ZNF879: variants seen among roughly 807,000 people sequenced by gnomAD.
ZNF879 encodes zinc finger protein 879.
In ZNF879, 32 loss-of-function variants were observed where a neutral mutation model predicts 44.3. The observed-to-expected ratio is 0.72, with a 90% CI of 0.54 to 0.97. ZNF879 has a LOEUF of 0.97. Ranked by LOEUF, ZNF879 falls within the 50% of genes least tolerant of loss-of-function variation. The pLI, the probability that ZNF879 is intolerant of heterozygous loss-of-function variation, is 0.00. For synonymous variants in ZNF879, 234 were observed against 233.2 expected (o/e 1.00, Z -0.03); for missense variants, 621 against 669.7 (o/e 0.93, Z 0.80).
Position 179,033,286 on chromosome 5 carries a change from T to C in ZNF879, c.1338T>C (p.His446=), listed in dbSNP as rs1336112027. The C allele has an allele frequency of 5.7e-6, 9 of 1,577,932 alleles. No individual in the cohort carries two copies. Among genetic ancestry groups the C allele is most frequent in the Non-Finnish European group, 7.7e-6 (9 of 1,161,976 alleles). Reference sequence around the variant, plus strand: ...CTTGGATTTCACGGCTTAATATACATCACAGAATTCACACTGGAGAGAAAC... The same window carrying C: ...CTTGGATTTCACGGCTTAATATACACCACAGAATTCACACTGGAGAGAAAC... The part of the protein sequence containing the change: ...AFSWISRLNI[H]HRIHTGEKPY... Residue 446 remains histidine (H), a synonymous_variant, in exon 5 of 5, where the codon CAT becomes CAC. Coordinates refer to ENST00000444149, the MANE Select transcript of ZNF879 (RefSeq NM_001136116.3).
At chr5:179,027,890 C>T in intron 3 of ZNF879, 142 bp from the exon 4 acceptor site, 3 of 770,422 alleles carry the variant, frequency 3.9e-6, no homozygotes, top group Non-Finnish European at 6.4e-6. Context: ...GGACCATCTC[C>T]TGGTTGTCCT....
At chr5:179,024,207 G>A (rs1761193783) in intron 1 of ZNF879, among the ~76,000 whole-genome samples, 1 of 152,228 alleles carries the variant, frequency 6.6e-6, no homozygotes, top group African/African-American at 2.4e-5. Flanking sequence ...CCCTCCGGGC[G>A]GTTTTTCGCT....
Position 179,033,029 on chromosome 5 carries a change from A to G in ZNF879, c.1081A>G (p.Arg361Gly). ...KAFTSISRLS[R>G]HHRIHTGEKP... is the part of the protein sequence containing the mutation. ...CTTCACTTCAATATCGCGGCTAAGT[A>G]GGCACCATCGAATTCATACTGGAGA... The change falls in exon 5 of 5, where the codon AGG becomes GGG. Residue 361 changes from arginine to glycine, a missense_variant. By Grantham distance (125) the Arg-to-Gly change is moderately radical (BLOSUM62 -2). Coordinates refer to ENST00000444149, the MANE Select transcript of ZNF879 (RefSeq NM_001136116.3). The G allele has an allele frequency of 3.2e-6, 5 of 1,557,806 alleles. No homozygotes were observed. Among genetic ancestry groups the G allele is most frequent in the Non-Finnish European group, 4.3e-6 (5 of 1,150,768 alleles).
chr5:179,031,817 C>T (rs61645289), intron 4 of ZNF879, among the ~76,000 whole-genome samples: 1,602 of 152,300 alleles, frequency 0.011, 24 homozygotes, highest in African/African-American at 0.036. Flanking sequence ...CTGTGTTTGG[C>T]GGAGCTCTTC....
In ZNF879 at chr5:179,032,613, AC is replaced by A; in HGVS notation, c.667del (p.Gln223ArgfsTer25). ...IFLHSSSLSKHQRIHTGEKLY... is the reference protein window; with the variant it reads ...IFLHSSSLSKXQRIHTGEKLY... ...CTCCACAGTTCCTCCCTGAGTAAAC[AC>A]CAGAGAATCCACACTGGAGAGAAGC... is the stretch of plus-strand genomic sequence containing the variant. On this transcript the variant is annotated frameshift_variant, in exon 5 of 5. Transcript: ENST00000444149. LOFTEE classifies it high-confidence loss of function. 1.3e-6 allele frequency: 2 copies of A among 1,564,894 alleles called. No homozygotes were observed. The highest frequency in any genetic ancestry group is 1.7e-6 in the Non-Finnish European group (2 of 1,154,768).
chr5:179,025,103 G>T, intron 2 of ZNF879, 66 bp downstream of exon 2: 1 of 1,524,930 alleles, frequency 6.6e-7, no homozygotes, highest in Non-Finnish European at 8.9e-7. Flanking sequence ...TTCTTCATCT[G>T]TTGTTGAGCT....
rs1314593780 is a variant in ZNF879 at position 179,033,410 on chromosome 5, G to A, written c.1462G>A (p.Asp488Asn). Reference sequence around the variant, plus strand: ...TGGAGAAAAACCTTATAAATGTAATGACTGTGAGAAAGCCTTCAACCAAAG... The same window carrying A: ...TGGAGAAAAACCTTATAAATGTAATAACTGTGAGAAAGCCTTCAACCAAAG... ...HTGEKPYKCN[D>N]CEKAFNQSSA... is the part of the protein sequence containing the mutation. Residue 488 changes from aspartate to asparagine, a missense_variant, in exon 5 of 5, where the codon GAC (aspartate) becomes AAC (asparagine). Asp to Asn is a conservative substitution (Grantham distance 23, BLOSUM62 1). Coordinates refer to ENST00000444149, the MANE Select transcript of ZNF879 (RefSeq NM_001136116.3). The A allele has an allele frequency of 1.3e-6, 2 of 1,558,962 alleles. No homozygotes were observed. The highest frequency in any genetic ancestry group is 1.4e-5 in the African/African-American group (1 of 73,100).
chr5:179,031,939 C>T (rs1179734109), intron 4 of ZNF879, among the ~76,000 whole-genome samples: 1 of 152,138 alleles, frequency 6.6e-6, no homozygotes, highest in East Asian at 1.9e-4. Context: ...TTCAGAAGGG[C>T]CTCATAGCCT....
Position 179,032,856 on chromosome 5 carries a change from TTAA to T in ZNF879, c.913_915del (p.Asn305del), listed in dbSNP as rs756455931. On this transcript the variant is annotated inframe_deletion, in exon 5 of 5. Transcript: ENST00000444149. Reference sequence around the variant, plus strand: ...AAAACATTTAAAGGTAGTTCATCTCTTAATAATCACCAGCGAATTCACACAGGA... The same window carrying T: ...AAAACATTTAAAGGTAGTTCATCTCTTAATCACCAGCGAATTCACACAGGA... The T allele has an allele frequency of 6.4e-7, 1 of 1,563,372 alleles. No individual in the cohort carries two copies. Among genetic ancestry groups the T allele is most frequent in the African/African-American group, 1.4e-5 (1 of 73,456 alleles).
chr5:179,032,459 A>G lies in ZNF879; in HGVS notation c.511A>G (p.Ile171Val). 2.6e-6 allele frequency: 4 copies of G among 1,551,730 alleles called. No individual in the cohort carries two copies. Among genetic ancestry groups the G allele is most frequent in the Non-Finnish European group, 2.6e-6 (3 of 1,146,984 alleles). ...GKNLGLKSSL[I>V]RKPRIVSRGR... ...AAATCTTGGTCTAAAATCATCGCTT[A>G]TTAGAAAACCGAGAATAGTTTCCAG... Residue 171 changes from isoleucine (I) to valine (V), a missense_variant, in exon 5 of 5, where the codon ATT (isoleucine) becomes GTT (valine). Coordinates refer to ENST00000444149, the MANE Select transcript of ZNF879 (RefSeq NM_001136116.3).
chr5:179,033,422 G>A lies in ZNF879; in HGVS notation c.1474G>A (p.Ala492Thr), dbSNP rs1263437968. 6.4e-7 allele frequency: 1 copy of A among 1,561,458 alleles called. No homozygotes were observed. Among genetic ancestry groups the A allele is most frequent in the South Asian group, 1.2e-5 (1 of 84,928 alleles). ...KPYKCNDCEK[A>T]FNQSSALIQH... Reference sequence around the variant, plus strand: ...TTATAAATGTAATGACTGTGAGAAAGCCTTCAACCAAAGCTCAGCTCTAAT... The same window carrying A: ...TTATAAATGTAATGACTGTGAGAAAACCTTCAACCAAAGCTCAGCTCTAAT... Residue 492 changes from alanine (A) to threonine (T), a missense_variant, in exon 5 of 5, where the codon GCC (alanine) becomes ACC (threonine). Physicochemically the swap from Ala to Thr is moderately conservative, Grantham distance 58. Transcript: ENST00000444149.
chr5:179,024,628 A>G (rs1761208812), intron 1 of ZNF879: 1 of 199,128 alleles, frequency 5.0e-6, no homozygotes, highest in African/African-American at 2.3e-5. Flanking sequence ...AACAACATCC[A>G]AGTGCAGATG....
Position 179,032,326 on chromosome 5 carries a change from G to A in ZNF879, c.378G>A (p.Lys126=). The change falls in exon 5 of 5, where the codon AAG becomes AAA. Residue 126 remains lysine (K), a synonymous_variant. Transcript: ENST00000444149. ...KLEKTYINED[K]LEKQQGKKNR... is the part of the protein sequence containing the mutation. Reference sequence around the variant, plus strand: ...AGAAGACCTACATAAATGAAGATAAGTTAGAGAAGCAACAAGGCAAAAAGA... The same window carrying A: ...AGAAGACCTACATAAATGAAGATAAATTAGAGAAGCAACAAGGCAAAAAGA... The A allele has an allele frequency of 2.6e-6, 4 of 1,551,182 alleles. No homozygotes were observed. The highest frequency in any genetic ancestry group is 3.5e-6 in the Non-Finnish European group (4 of 1,146,906).
At position 179,033,298 on chromosome 5, in the gene ZNF879, C is replaced by A; in HGVS notation, c.1350C>A (p.His450Gln). Residue 450 changes from histidine to glutamine, a missense_variant, in exon 5 of 5, where the codon CAC becomes CAA. His to Gln is a conservative substitution (Grantham distance 24, BLOSUM62 0). Coordinates refer to ENST00000444149, the MANE Select transcript of ZNF879 (RefSeq NM_001136116.3). ...ISRLNIHHRIHTGEKPYNCKE... is the reference protein window; with the variant it reads ...ISRLNIHHRIQTGEKPYNCKE... ...GGCTTAATATACATCACAGAATTCA[C>A]ACTGGAGAGAAACCATATAATTGTA... 6.3e-7 allele frequency: 1 copy of A among 1,577,356 alleles called. No homozygotes were observed. The highest frequency in any genetic ancestry group is 8.6e-7 in the Non-Finnish European group (1 of 1,161,508).
chr5:179,027,465 C>T lies in ZNF879; in HGVS notation c.34-8C>T, dbSNP rs372982889. 2.5e-6 allele frequency: 4 copies of T among 1,613,648 alleles called. No individual in the cohort carries two copies. The highest frequency in any genetic ancestry group is 3.4e-6 in the Non-Finnish European group (4 of 1,179,892). ...CCTGGATGAACAGGAGTGGGTTTGC[C>T]ATTCCAGGAGTCCGTGACGTTCAGG... On this transcript the variant is annotated splice_region_variant and splice_polypyrimidine_tract_variant and intron_variant, in intron 2 of 4. Coordinates refer to ENST00000444149, the MANE Select transcript of ZNF879 (RefSeq NM_001136116.3).
intron 4 of ZNF879, among the ~76,000 whole-genome samples, chr5:179,031,595 ACTG>A (rs1285656654): frequency 2.0e-5 from 3 of 152,156 alleles, no homozygotes; most frequent in Non-Finnish European, 4.4e-5. Context: ...GCTCCTTTGT[ACTG>A]CTGTTGATTT....
chr5:179,028,670 G>C (rs1761337728), intron 4 of ZNF879, among the ~76,000 whole-genome samples: 2 of 152,112 alleles, frequency 1.3e-5, no homozygotes, highest in South Asian at 2.1e-4. Context: ...TGGGCTTCCG[G>C]ATACTCATCA....
chr5:179,024,494 G>A (rs1761203854), intron 1 of ZNF879: 1 of 152,486 alleles, frequency 6.6e-6, no homozygotes, highest in Admixed American at 6.5e-5. Context: ...CTACCTTTAA[G>A]CAGCTTTGAT....
At chr5:179,031,620 A>G (rs1298574060) in intron 4 of ZNF879, among the ~76,000 whole-genome samples, 1 of 152,114 alleles carries the variant, frequency 6.6e-6, no homozygotes, top group Admixed American at 6.6e-5. Context: ...TTACTTGGTC[A>G]TTGTCTGTAT....
Sources: allele counts gnomAD v4.1 joint callset (sites outside exome capture counted in the v4.1 genomes callset), GRCh38; gene constraint gnomAD v4.1.1; transcripts MANE v1.5; gene names NCBI Gene and HGNC (gene_info 2026-07-23, HGNC 2026-07-21).